USP15: variants seen among roughly 807,000 people sequenced by gnomAD.
The protein encoded by USP15 is ubiquitin specific peptidase 15.
USP15 carries 18 observed loss-of-function variants against 127.1 expected under a neutral mutation model. The ratio of observed to expected loss-of-function variants is 0.14; its 90% CI spans 0.10 to 0.21. The LOEUF is 0.21. USP15 is among the 10% of genes least tolerant of loss of function. USP15 has a pLI of 1.00. For missense variants in USP15, 805 were observed against 1,159.9 expected (o/e 0.69, Z 4.44); for synonymous variants, 364 against 393.7 (o/e 0.92, Z 0.89).
intron 6 of USP15, among the ~76,000 whole-genome samples, chr12:62,346,910 T>C (rs1233554922): frequency 6.6e-6 from 1 of 152,200 alleles, no homozygotes; most frequent in Non-Finnish European, 1.5e-5. Context: ...ATGCTATTCT[T>C]CCTAACTGTA....
In USP15 at chr12:62,376,530, T is replaced by C. The variant is rs1037807109; in HGVS notation, c.916-4960T>C. On this transcript the variant is annotated intron_variant, in intron 8 of 21. Coordinates refer to ENST00000280377, the MANE Select transcript of USP15 (RefSeq NM_001252078.2). ...ACACTGAAGTTTTGGCATTTGTTAA[T>C]GTCAGGCAGTTGAACTCCAATAAAT... 3.9e-5 allele frequency among the ~76,000 whole-genome samples: 6 copies of C among 152,170 alleles called. No individual in the cohort carries two copies. The East Asian group carries it at 1.2e-3, about 29-fold the overall frequency.
At chr12:62,285,688 G>A (rs1349172675) in intron 1 of USP15, among the ~76,000 whole-genome samples, 2 of 152,044 alleles carry the variant, frequency 1.3e-5, no homozygotes, top group African/African-American at 4.8e-5. Flanking sequence ...ATCATCCACT[G>A]ATGGACACTT....
At chr12:62,268,730 A>G (rs970018162) in intron 1 of USP15, among the ~76,000 whole-genome samples, 5 of 152,098 alleles carry the variant, frequency 3.3e-5, no homozygotes, top group East Asian at 1.9e-4. Flanking sequence ...TAAAATATAT[A>G]TGTATATATA....
At chr12:62,347,008 TTTG>T (rs1455792562) in intron 6 of USP15, among the ~76,000 whole-genome samples, 2 of 151,176 alleles carry the variant, frequency 1.3e-5, no homozygotes, top group Admixed American at 1.3e-4. Flanking sequence ...TATATTAGAA[TTTG>T]TTATCATACT....
At chr12:62,325,356 C>T (rs929450994) in intron 5 of USP15, among the ~76,000 whole-genome samples, 2 of 151,938 alleles carry the variant, frequency 1.3e-5, no homozygotes, top group African/African-American at 4.8e-5. Context: ...AATGTAAATA[C>T]ACACTAATTT....
intron 1 of USP15, among the ~76,000 whole-genome samples, chr12:62,261,230 A>G (rs1296836875): frequency 6.6e-6 from 1 of 152,194 alleles, no homozygotes; most frequent in East Asian, 1.9e-4. Flanking sequence ...AGATAAGTCC[A>G]CTTGAGGCTT....
intron 1 of USP15, among the ~76,000 whole-genome samples, chr12:62,276,658 C>T (rs2063499169): frequency 6.6e-6 from 1 of 151,980 alleles, no homozygotes; most frequent in Non-Finnish European, 1.5e-5. Flanking sequence ...GGAATGAATA[C>T]ACTACCGTAT....
Position 62,306,338 on chromosome 12 carries a change from T to G in USP15, c.348+3418T>G, listed in dbSNP as rs76088229. On this transcript the variant is annotated intron_variant, in intron 3 of 21. Transcript: ENST00000280377. ...TGAAAACTTGAAATGTGGCGTGGCT[T>G]TGGAGCTGACAGTGAATAGAGGTTG... Among the ~76,000 whole-genome samples the G allele has an allele frequency of 8.7e-3, 1,330 of 152,236 alleles. 19 individuals are homozygous for G. Among genetic ancestry groups the G allele is most frequent in the African/African-American group, 0.029 (1,209 of 41,540 alleles).
At chr12:62,346,405 A>T (rs1474667657) in intron 6 of USP15, among the ~76,000 whole-genome samples, 2 of 152,126 alleles carry the variant, frequency 1.3e-5, no homozygotes, top group African/African-American at 4.8e-5. Flanking sequence ...GCCAATATCC[A>T]CTCAGTGAAA....
intron 1 of USP15, among the ~76,000 whole-genome samples, chr12:62,289,739 T>TGTGTGTGTGTG (rs2063903172): frequency 4.6e-5 from 3 of 65,316 alleles, no homozygotes; most frequent in African/African-American, 6.9e-5. Context: ...GTGTGTGTGT[T>TGTGTGTGTGTG]TAGACAGCAG....
intron 6 of USP15, chr12:62,336,468 C>G: frequency 1.2e-5 from 12 of 985,418 alleles, no homozygotes; most frequent in Non-Finnish European, 1.4e-5. Context: ...TCTGCCTCCT[C>G]ACCTGAAGTT....
Position 62,389,824 on chromosome 12 carries a change from A to G in USP15, c.1680A>G (p.Glu560=). ...YVFEININRT[E]DTEHVIIPVC... is the part of the protein sequence containing the mutation. ...TTGAAATTAACATCAATAGGACAGA[A>G]GATACAGAGCACGTGATTATTCCTG... The change falls in exon 14 of 22, where the codon GAA becomes GAG. Residue 560 remains glutamate, a synonymous_variant. Coordinates refer to ENST00000280377, the MANE Select transcript of USP15 (RefSeq NM_001252078.2). 6.2e-7 allele frequency: 1 copy of G among 1,613,458 alleles called. No homozygotes were observed. Among genetic ancestry groups the G allele is most frequent in the Non-Finnish European group, 8.5e-7 (1 of 1,179,664 alleles).
At chr12:62,327,084 C>T (rs1031164882) in intron 6 of USP15, among the ~76,000 whole-genome samples, 7 of 152,048 alleles carry the variant, frequency 4.6e-5, no homozygotes, top group Non-Finnish European at 7.4e-5. Flanking sequence ...GAGCTGAGAT[C>T]GTGCTGCTGT....
chr12:62,369,311 AC>A (rs1237685753), intron 8 of USP15, among the ~76,000 whole-genome samples: 1 of 152,224 alleles, frequency 6.6e-6, no homozygotes, highest in Non-Finnish European at 1.5e-5. Flanking sequence ...ATAGAGAATT[AC>A]CAGGGATGCA....
At chr12:62,314,469 T>C (rs2064773759) in intron 3 of USP15, among the ~76,000 whole-genome samples, 1 of 151,944 alleles carries the variant, frequency 6.6e-6, no homozygotes, top group Admixed American at 6.6e-5. Flanking sequence ...GTAATCTTTC[T>C]CATTATAAAT....
intron 1 of USP15, chr12:62,267,362 A>C (rs756035846): frequency 1.6e-4 from 25 of 152,158 alleles, no homozygotes; most frequent in Non-Finnish European, 2.8e-4. Context: ...ATACAGATTA[A>C]AATTATTTGA....
At chr12:62,286,070 TGTTA>T (rs1183482739) in intron 1 of USP15, among the ~76,000 whole-genome samples, 1 of 152,194 alleles carries the variant, frequency 6.6e-6, no homozygotes, top group Non-Finnish European at 1.5e-5. Context: ...CATTCATATG[TGTTA>T]GTTTGAAATT....
At chr12:62,297,341 T>A (rs1474694476) in intron 2 of USP15, among the ~76,000 whole-genome samples, 19 of 152,082 alleles carry the variant, frequency 1.2e-4, no homozygotes, top group Admixed American at 1.2e-3. Flanking sequence ...AGGGTACTGC[T>A]TGAAGGACTG....
At chr12:62,372,506 G>A (rs967238698) in intron 8 of USP15, among the ~76,000 whole-genome samples, 2 of 151,916 alleles carry the variant, frequency 1.3e-5, no homozygotes, top group East Asian at 3.9e-4. Context: ...AAAATGGCTT[G>A]TTTCTCTTAA....
Sources: allele counts gnomAD v4.1 joint callset (sites outside exome capture counted in the v4.1 genomes callset), GRCh38; gene constraint gnomAD v4.1.1; transcripts MANE v1.5; gene names NCBI Gene and HGNC (gene_info 2026-07-23, HGNC 2026-07-21).